ARPC1A: variants seen among roughly 807,000 people sequenced by gnomAD.
The protein encoded by ARPC1A is actin related protein 2/3 complex subunit 1A.
A neutral mutation model predicts 46.9 loss-of-function variants in ARPC1A; 8 were observed. That is an observed-to-expected ratio of 0.17 (90% confidence interval 0.10 to 0.31). ARPC1A has a LOEUF of 0.31. Among genes scored for constraint, ARPC1A ranks in the 10% least tolerant of loss-of-function variants. The pLI, the probability that ARPC1A is intolerant of heterozygous loss-of-function variation, is 1.00. For missense variants in ARPC1A, 286 were observed against 483.6 expected, an observed-to-expected ratio of 0.59 and a Z score of 3.83; for synonymous variants, 152 against 169.0, an observed-to-expected ratio of 0.90 and a Z score of 0.78.
At position 99,338,218 on chromosome 7, in the gene ARPC1A, C is replaced by A. The variant is rs1330112758; in HGVS notation, c.102C>A (p.Ile34=). Reference sequence around the variant, plus strand: ...GTCCCAATAATCACGAAGTGCACATCTATAAGAAGAACGGGAGCCAGTGGG... The same window carrying A: ...GTCCCAATAATCACGAAGTGCACATATATAAGAAGAACGGGAGCCAGTGGG... ...ALSPNNHEVH[I]YKKNGSQWVK... The change falls in exon 3 of 10, where the codon ATC becomes ATA. Residue 34 remains isoleucine (I), a synonymous_variant. Coordinates refer to ENST00000262942, the MANE Select transcript of ARPC1A (RefSeq NM_006409.4). The A allele has an allele frequency of 1.2e-6, 2 of 1,613,380 alleles. No individual in the cohort carries two copies. Among genetic ancestry groups the A allele is most frequent in the Non-Finnish European group, 1.7e-6 (2 of 1,179,634 alleles).
intron 2 of ARPC1A, among the ~76,000 whole-genome samples, chr7:99,334,024 CACACACATAT>C (rs1390287726): frequency 7.1e-6 from 1 of 140,268 alleles, no homozygotes; most frequent in African/African-American, 3.0e-5. Context: ...CACACACACA[CACACACATAT>C]ATATGTATTT....
At chr7:99,358,469 A>C in intron 7 of ARPC1A, 54 bp downstream of exon 7, 1 of 1,507,296 alleles carries the variant, frequency 6.6e-7, no homozygotes, top group Non-Finnish European at 9.2e-7. Flanking sequence ...ATGCTCAGAC[A>C]GGGAACAATG....
At chr7:99,355,542 C>T (rs765721474) in intron 6 of ARPC1A, among the ~76,000 whole-genome samples, 38 of 151,946 alleles carry the variant, frequency 2.5e-4, no homozygotes, top group South Asian at 1.0e-3. Flanking sequence ...GTCAGGAGTT[C>T]GAGAGCAGCC....
At chr7:99,343,017 C>T (rs1323343020) in intron 3 of ARPC1A, among the ~76,000 whole-genome samples, 3 of 152,090 alleles carry the variant, frequency 2.0e-5, no homozygotes. Context: ...TCTTCAGTCA[C>T]TATGACTTAT....
chr7:99,358,460 T>C (rs752979329), intron 7 of ARPC1A, 45 bp downstream of exon 7: 1 of 1,554,844 alleles, frequency 6.4e-7, no homozygotes, highest in Non-Finnish European at 8.9e-7. Context: ...CTGTATGTGA[T>C]GCTCAGACAG....
intron 1 of ARPC1A, among the ~76,000 whole-genome samples, chr7:99,327,293 G>A (rs1793062755): frequency 6.6e-6 from 1 of 151,376 alleles, no homozygotes; most frequent in South Asian, 2.1e-4. Flanking sequence ...CACCACACTG[G>A]GCTAATTTTC....
chr7:99,339,512 C>G (rs534547499), intron 3 of ARPC1A, among the ~76,000 whole-genome samples: 1 of 152,184 alleles, frequency 6.6e-6, no homozygotes, highest in South Asian at 2.1e-4. Flanking sequence ...GGTGACACAG[C>G]AAGACCCTCA....
chr7:99,344,776 A>T (rs1348427614), intron 4 of ARPC1A, among the ~76,000 whole-genome samples: 3 of 148,992 alleles, frequency 2.0e-5, no homozygotes, highest in Non-Finnish European at 3.0e-5. Flanking sequence ...TACTGTTCTC[A>T]CTCTATACTG....
chr7:99,338,150 G>C, intron 2 of ARPC1A, 31 bp from the exon 3 acceptor site: 1 of 1,506,024 alleles, frequency 6.6e-7, no homozygotes, highest in Non-Finnish European at 9.2e-7. Context: ...GCAAGTTCAG[G>C]TGTTAACTGT....
At chr7:99,332,822 G>T (rs1793168675) in intron 1 of ARPC1A, among the ~76,000 whole-genome samples, 1 of 151,582 alleles carries the variant, frequency 6.6e-6, no homozygotes, top group Non-Finnish European at 1.5e-5. Flanking sequence ...AGGATGGTCT[G>T]GATCTCCTGA....
chr7:99,345,851 G>GT (rs2150866520), intron 4 of ARPC1A, among the ~76,000 whole-genome samples: 1 of 152,194 alleles, frequency 6.6e-6, no homozygotes, highest in Non-Finnish European at 1.5e-5. Flanking sequence ...GGATTATCAT[G>GT]TTACCTTTGT....
intron 6 of ARPC1A, among the ~76,000 whole-genome samples, chr7:99,358,136 G>C (rs1562802693): frequency 6.6e-6 from 1 of 152,154 alleles, no homozygotes; most frequent in Non-Finnish European, 1.5e-5. Context: ...CAGTGGGCAG[G>C]GCCTCAGAAG....
intron 7 of ARPC1A, chr7:99,358,681 T>C (rs949135646): frequency 5.1e-6 from 2 of 388,572 alleles, no homozygotes; most frequent in Admixed American, 4.3e-5. Flanking sequence ...ACTGGGAATA[T>C]AGGCATGCGC....
At chr7:99,352,655 TAA>T (rs59352040) in intron 5 of ARPC1A, among the ~76,000 whole-genome samples, 34 of 135,990 alleles carry the variant, frequency 2.5e-4, no homozygotes, top group Non-Finnish European at 2.7e-4. Flanking sequence ...CCCCGTCTCT[TAA>T]AAAAAAAAAA....
At chr7:99,333,983 TAGAA>T (rs1429546727) in intron 2 of ARPC1A, among the ~76,000 whole-genome samples, 1 of 139,572 alleles carries the variant, frequency 7.2e-6, no homozygotes, top group African/African-American at 2.7e-5. Context: ...CGAAAAAAAA[TAGAA>T]AAACTGTGTG....
chr7:99,343,388 C>G (rs973865656), intron 3 of ARPC1A, among the ~76,000 whole-genome samples: 3 of 151,882 alleles, frequency 2.0e-5, no homozygotes, highest in Non-Finnish European at 4.4e-5. Context: ...ATCGCTTGAA[C>G]CCGGGAGGCG....
At chr7:99,338,376 TA>T in intron 3 of ARPC1A, 91 bp downstream of exon 3, 3 of 608,876 alleles carry the variant, frequency 4.9e-6, no homozygotes, top group Non-Finnish European at 7.3e-6. Flanking sequence ...CAGGTGGCCA[TA>T]ATTTTTTTTT....
intron 2 of ARPC1A, among the ~76,000 whole-genome samples, chr7:99,335,966 A>G (rs2150860715): frequency 6.6e-6 from 1 of 152,180 alleles, no homozygotes; most frequent in East Asian, 1.9e-4. Flanking sequence ...AAAAGAAAAA[A>G]AAAAAAGCCT....
At chr7:99,361,910 C>T (rs1301754593) in intron 8 of ARPC1A, among the ~76,000 whole-genome samples, 1 of 152,202 alleles carries the variant, frequency 6.6e-6, no homozygotes, top group Non-Finnish European at 1.5e-5. Flanking sequence ...GTGTTCCCGT[C>T]AAACTTTATG....
Sources: gnomAD v4.1 joint callset for allele counts (sites outside exome capture counted in the v4.1 genomes callset) on GRCh38, gnomAD v4.1.1 for gene constraint, MANE v1.5 for transcripts, NCBI Gene and HGNC (gene_info 2026-07-23, HGNC 2026-07-21) for gene names.